ELMO1: variants seen among roughly 807,000 people sequenced by gnomAD.
ELMO1 encodes the protein engulfment and cell motility 1.
Under a neutral mutation model 98.9 loss-of-function variants are expected in ELMO1, and 26 were observed. The observed-to-expected ratio is 0.26, with a 90% CI of 0.19 to 0.36. ELMO1 has a LOEUF of 0.36. Ranked by LOEUF, ELMO1 falls within the 10% of genes least tolerant of loss-of-function variation. The probability of loss-of-function intolerance (pLI) is 1.00; values close to 1 mark genes in which losing one functional copy is unlikely to be tolerated. For missense variants in ELMO1, 627 were observed against 935.2 expected (o/e 0.67, Z 4.30); for synonymous variants, 346 against 346.0 (o/e 1.00, Z 0.00).
At chr7:37,346,402 G>A (rs1438548665) in intron 1 of ELMO1, among the ~76,000 whole-genome samples, 4 of 152,054 alleles carry the variant, frequency 2.6e-5, no homozygotes, top group Non-Finnish European at 4.4e-5. Context: ...CCATAGCAAT[G>A]CCAATTTGTT....
intron 19 of ELMO1, among the ~76,000 whole-genome samples, chr7:36,873,559 T>G (rs185604595): frequency 5.5e-4 from 84 of 152,342 alleles, no homozygotes; most frequent in Non-Finnish European, 5.9e-5. Context: ...ATGGGAAGAC[T>G]GATCCTAAAG....
intron 16 of ELMO1, among the ~76,000 whole-genome samples, chr7:36,933,119 G>C (rs1037429755): frequency 6.6e-6 from 1 of 152,168 alleles, no homozygotes; most frequent in African/African-American, 2.4e-5. Context: ...GCTCAAAGCA[G>C]CTCAGAGCAC....
intron 7 of ELMO1, among the ~76,000 whole-genome samples, chr7:37,233,561 T>C (rs2130630810): frequency 6.6e-6 from 1 of 152,324 alleles, no homozygotes; most frequent in African/African-American, 2.4e-5. Context: ...GCTACTTACT[T>C]AATAAAGTAT....
At chr7:37,183,909 C>G (rs1030543474) in intron 13 of ELMO1, among the ~76,000 whole-genome samples, 4 of 152,148 alleles carry the variant, frequency 2.6e-5, no homozygotes, top group Admixed American at 6.6e-5. Context: ...CATACAACTT[C>G]AGAAATTTTA....
intron 13 of ELMO1, among the ~76,000 whole-genome samples, chr7:37,184,905 A>G (rs1022900399): frequency 2.6e-5 from 4 of 152,142 alleles, no homozygotes; most frequent in Admixed American, 6.5e-5. Flanking sequence ...CTCAAAAGAA[A>G]AAAAAAAGTC....
chr7:36,878,972 G>A (rs192578710), intron 18 of ELMO1, among the ~76,000 whole-genome samples: 13 of 152,284 alleles, frequency 8.5e-5, no homozygotes, highest in Admixed American at 3.9e-4. Context: ...CCCTGCAGCC[G>A]AAGGGCCTCT....
intron 16 of ELMO1, among the ~76,000 whole-genome samples, chr7:36,991,281 C>T (rs988453808): frequency 2.6e-5 from 4 of 152,162 alleles, no homozygotes; most frequent in Admixed American, 2.6e-4. Flanking sequence ...TGAGCCCACA[C>T]ACATAAAACA....
At chr7:37,378,256 CAGA>C (rs1396802704) in intron 1 of ELMO1, among the ~76,000 whole-genome samples, 1 of 152,166 alleles carries the variant, frequency 6.6e-6, no homozygotes, top group Non-Finnish European at 1.5e-5. Flanking sequence ...GCTGTAGCCT[CAGA>C]AGGCCAGTGC....
chr7:36,888,704 A>T (rs1314013241), intron 17 of ELMO1, among the ~76,000 whole-genome samples: 1 of 152,220 alleles, frequency 6.6e-6, no homozygotes, highest in African/African-American at 2.4e-5. Flanking sequence ...CTTTGGTGAC[A>T]TTCTCTCCTT....
intron 13 of ELMO1, among the ~76,000 whole-genome samples, chr7:37,179,498 C>T (rs1269711269): frequency 1.3e-5 from 2 of 152,026 alleles, no homozygotes; most frequent in African/African-American, 2.4e-5. Flanking sequence ...AGGCTGGTCT[C>T]GACCTCCTGA....
chr7:37,214,243 A>G (rs1054836928), intron 11 of ELMO1, among the ~76,000 whole-genome samples: 1 of 152,174 alleles, frequency 6.6e-6, no homozygotes, highest in African/African-American at 2.4e-5. Context: ...ACTGTACATT[A>G]AAAATGCCAA....
intron 13 of ELMO1, among the ~76,000 whole-genome samples, chr7:37,167,877 T>C (rs1320733428): frequency 4.6e-5 from 7 of 151,892 alleles, no homozygotes; most frequent in Non-Finnish European, 8.8e-5. Flanking sequence ...TGAATCTGAA[T>C]GTTGGCCTGC....
At chr7:37,257,767 C>T (rs768925384) in intron 6 of ELMO1, among the ~76,000 whole-genome samples, 47 of 149,908 alleles carry the variant, frequency 3.1e-4, no homozygotes, top group African/African-American at 6.7e-4. Context: ...CTTGGGAGAC[C>T]GAGGTGGGCG....
intron 13 of ELMO1, among the ~76,000 whole-genome samples, chr7:37,177,897 T>C (rs73123157): frequency 0.1 from 15,948 of 152,190 alleles, 1,078 homozygotes; most frequent in South Asian, 0.21. Context: ...TTCTAAAATA[T>C]CCACAGATCC....
At chr7:37,146,143 C>T (rs1016540128) in intron 13 of ELMO1, among the ~76,000 whole-genome samples, 5 of 152,152 alleles carry the variant, frequency 3.3e-5, no homozygotes, top group Non-Finnish European at 7.4e-5. Flanking sequence ...TAAAGCTCCC[C>T]AGAACATTGA....
intron 6 of ELMO1, among the ~76,000 whole-genome samples, chr7:37,254,181 G>A (rs545575495): frequency 7.2e-5 from 11 of 152,180 alleles, no homozygotes; most frequent in African/African-American, 1.4e-4. Context: ...CTCCATCCCC[G>A]AAAATAGCGT....
chr7:37,074,811 C>T (rs1797475161), intron 15 of ELMO1, among the ~76,000 whole-genome samples: 1 of 152,152 alleles, frequency 6.6e-6, no homozygotes, highest in African/African-American at 2.4e-5. Context: ...GGGCAAAATG[C>T]AAGCTGATTT....
intron 4 of ELMO1, among the ~76,000 whole-genome samples, chr7:37,301,044 G>C (rs2724009): frequency 0.35 from 52,692 of 151,228 alleles, 10,218 homozygotes; most frequent in Middle Eastern, 0.53. Flanking sequence ...AGATTTTCTA[G>C]TTTATTTGCG....
At chr7:37,289,849 G>T (rs968587554) in intron 4 of ELMO1, among the ~76,000 whole-genome samples, 1 of 152,132 alleles carries the variant, frequency 6.6e-6, no homozygotes, top group Non-Finnish European at 1.5e-5. Context: ...GGTGTCAGAG[G>T]AGAGAGTTAA....
Sources: gnomAD v4.1 joint callset for allele counts (sites outside exome capture counted in the v4.1 genomes callset) on GRCh38, gnomAD v4.1.1 for gene constraint, MANE v1.5 for transcripts, NCBI Gene and HGNC (gene_info 2026-07-23, HGNC 2026-07-21) for gene names.